ZNF774: variants seen among roughly 807,000 people sequenced by gnomAD.
ZNF774 encodes zinc finger protein 774.
ZNF774 carries 14 observed loss-of-function variants against 11.1 expected under a neutral mutation model. The ratio of observed to expected loss-of-function variants is 1.26; its 90% CI spans 0.83 to 1.97. ZNF774 has a LOEUF of 1.97. Ranked by LOEUF, ZNF774 falls within the 30% of genes most tolerant of loss-of-function variation. The pLI is 0.00. For synonymous variants in ZNF774, 195 were observed against 212.6 expected, an observed-to-expected ratio of 0.92 and a Z score of 0.72; for missense variants, 599 against 587.0, an observed-to-expected ratio of 1.02 and a Z score of -0.21.
intron 2 of ZNF774, chr15:90,355,445 C>T (rs1009237228): frequency 2.2e-6 from 1 of 455,962 alleles, no homozygotes; most frequent in Non-Finnish European, 4.4e-6. Context: ...TAAAAACAGG[C>T]TGGGGGCAGT....
chr15:90,355,029 G>T (rs1461433716), intron 2 of ZNF774, among the ~76,000 whole-genome samples: 2 of 152,254 alleles, frequency 1.3e-5, no homozygotes, highest in Middle Eastern at 3.4e-3. Context: ...ATGCTGTCCA[G>T]GCTGGTCTCA....
chr15:90,360,969 T>G lies in ZNF774; in HGVS notation c.1138T>G (p.Cys380Gly). The G allele has an allele frequency of 6.2e-7, 1 of 1,614,148 alleles. No individual in the cohort carries two copies. Among genetic ancestry groups the G allele is most frequent in the African/African-American group, 1.3e-5 (1 of 75,030 alleles). Residue 380 changes from cysteine to glycine, a missense_variant, in exon 4 of 4, where the codon TGT becomes GGT. Transcript: ENST00000354377. ...TGAGAGACCTTTTAAGTGCGAAAACTGTGGGAAAGGATTCGCCGACAGCTC... is the reference window on the plus strand; with the variant it reads ...TGAGAGACCTTTTAAGTGCGAAAACGGTGGGAAAGGATTCGCCGACAGCTC... The part of the protein sequence containing the change: ...TGERPFKCEN[C>G]GKGFADSSAL...
chr15:90,354,891 C>T, intron 2 of ZNF774, 127 bp downstream of exon 2: 1 of 776,346 alleles, frequency 1.3e-6, no homozygotes, highest in African/African-American at 1.7e-5. Context: ...GCCTCCTGGG[C>T]TCAAGCGATT....
intron 2 of ZNF774, among the ~76,000 whole-genome samples, chr15:90,355,870 A>G (rs1469438627): frequency 6.6e-6 from 1 of 151,390 alleles, no homozygotes; most frequent in African/African-American, 2.4e-5. Context: ...CTTACTAAAA[A>G]TACAAAAAAT....
At position 90,360,356 on chromosome 15, in the gene ZNF774, C is replaced by T. The variant is rs139630850; in HGVS notation, c.525C>T (p.Gly175=). Residue 175 remains glycine (G), a synonymous_variant, in exon 4 of 4, where the codon GGC becomes GGT. Coordinates refer to ENST00000354377, the MANE Select transcript of ZNF774 (RefSeq NM_001004309.3). The part of the protein sequence containing the change: ...YLIRHLRTHT[G]ERPYTCIECG... The stretch of plus-strand genomic sequence containing the variant: ...TAAGACACCTAAGAACCCACACTGG[C>T]GAGAGGCCCTATACGTGCATTGAGT... 3.6e-5 allele frequency: 58 copies of T among 1,614,024 alleles called. No individual in the cohort carries two copies. The Middle Eastern group carries it at 6.6e-4, about 18-fold the overall frequency.
chr15:90,360,927 C>T lies in ZNF774; in HGVS notation c.1096C>T (p.Gln366Ter), dbSNP rs751529820. Residue 366 changes from glutamine (Q) to a stop codon, truncating the protein, a stop_gained, in exon 4 of 4, where the codon CAA (glutamine) becomes TAA (stop). Coordinates refer to ENST00000354377, the MANE Select transcript of ZNF774 (RefSeq NM_001004309.3). LOFTEE classifies it low-confidence loss of function (END_TRUNC). ...FSQSSHLVTHQRTHTGERPFK... is the reference protein window; with the variant it reads ...FSQSSHLVTH ...TCAGAGCTCACATTTGGTCACGCACCAAAGAACACACACAGGTGAGAGACC... is the reference window on the plus strand; with the variant it reads ...TCAGAGCTCACATTTGGTCACGCACTAAAGAACACACACAGGTGAGAGACC... 1 of 1,614,172 alleles carries T rather than the reference C, an allele frequency of 6.2e-7. No individual in the cohort carries two copies. The highest frequency in any genetic ancestry group is 1.1e-5 in the South Asian group (1 of 91,072).
intron 3 of ZNF774, 135 bp from the exon 4 acceptor site, chr15:90,359,908 C>A: frequency 9.9e-7 from 1 of 1,006,890 alleles, no homozygotes; most frequent in Non-Finnish European, 1.4e-6. Context: ...AAACTTTTCA[C>A]AAAGTGAAAA....
rs760941027 is a variant in ZNF774, at chr15:90,360,626, C to A, written c.795C>A (p.Cys265Ter). The A allele has an allele frequency of 5.8e-5, 93 of 1,614,056 alleles. 1 individual carries two copies. The highest frequency in any genetic ancestry group is 2.9e-5 in the Non-Finnish European group (34 of 1,180,040). Reference sequence around the variant, plus strand: ...ACACAGGCGAGAAGCCCTACGCGTGCCTGGAATGTCACAAAAGCTTCAGTC... The same window carrying A: ...ACACAGGCGAGAAGCCCTACGCGTGACTGGAATGTCACAAAAGCTTCAGTC... Reference protein sequence around the residue: ...RTHTGEKPYACLECHKSFSRS... With the variant: ...RTHTGEKPYA Residue 265 changes from cysteine to a stop codon, truncating the protein, a stop_gained, in exon 4 of 4, where the codon TGC (cysteine) becomes TGA (stop). Coordinates refer to ENST00000354377, the MANE Select transcript of ZNF774 (RefSeq NM_001004309.3). LOFTEE classifies it low-confidence loss of function (END_TRUNC).
chr15:90,354,345 C>T (rs74038627), intron 1 of ZNF774, among the ~76,000 whole-genome samples: 1,669 of 152,298 alleles, frequency 0.011, 39 homozygotes, highest in African/African-American at 0.039. Flanking sequence ...CTTTGTTTAC[C>T]TTGTTCATCG....
rs751429115 is a variant in ZNF774 at position 90,360,292 on chromosome 15, C to T, written c.461C>T (p.Ala154Val). 22 of 1,614,196 alleles carry T rather than the reference C, an allele frequency of 1.4e-5. No individual in the cohort carries two copies. Among genetic ancestry groups the T allele is most frequent in the Admixed American group, 5.0e-5 (3 of 60,018 alleles). ...DGYVGEKPMC[A>V]ECGKSFNQSS... ...TATGTAGGAGAGAAGCCTATGTGTGCAGAATGCGGGAAAAGCTTTAACCAG... is the reference window on the plus strand; with the variant it reads ...TATGTAGGAGAGAAGCCTATGTGTGTAGAATGCGGGAAAAGCTTTAACCAG... Residue 154 changes from alanine (A) to valine (V), a missense_variant, in exon 4 of 4, where the codon GCA becomes GTA. By Grantham distance (64) the Ala-to-Val change is moderately conservative. Transcript: ENST00000354377.
At position 90,360,090 on chromosome 15, in the gene ZNF774, G is replaced by C; in HGVS notation, c.259G>C (p.Ala87Pro). 1 of 1,614,050 alleles carries C rather than the reference G, an allele frequency of 6.2e-7. No homozygotes were observed. The highest frequency in any genetic ancestry group is 8.5e-7 in the Non-Finnish European group (1 of 1,179,958). ...AKLNQDNSET[A>P]EQCGTSSERT... ...GCTCAATCAGGACAATTCTGAAACA[G>C]CAGAACAATGTGGAACATCCTCAGA... Residue 87 changes from alanine (A) to proline (P), a missense_variant, in exon 4 of 4, where the codon GCA becomes CCA. By Grantham distance (27) the Ala-to-Pro change is conservative. Transcript: ENST00000354377.
rs796491204 is a variant in ZNF774 at position 90,356,033 on chromosome 15, A to T, written c.104+1269A>T. On this transcript the variant is annotated intron_variant, in intron 2 of 3. Transcript: ENST00000354377. The stretch of plus-strand genomic sequence containing the variant: ...ACAGAGCAAGACTCCATCTCAAAAA[A>T]AAAAAAATAAATAAAAAAAACCAAA... 5.6e-4 allele frequency among the ~76,000 whole-genome samples: 64 copies of T among 114,692 alleles called. 2 individuals are homozygous for T. Among genetic ancestry groups the T allele is most frequent in the African/African-American group, 1.5e-3 (48 of 32,078 alleles). The allele number at this position is 114,692 out of a possible 152,430, so 75.2% of individuals were successfully genotyped here. A position where few individuals can be genotyped will look rare whatever the true frequency, so the allele number is the denominator to read the frequency against.
intron 1 of ZNF774, 71 bp from the exon 2 acceptor site, chr15:90,354,570 AT>A: frequency 3.8e-6 from 4 of 1,058,002 alleles, no homozygotes; most frequent in Non-Finnish European, 5.6e-6. Context: ...ACTGGTGGCC[AT>A]TTTTTGGCTT....
In ZNF774 at chr15:90,361,380, A is replaced by T. The variant is rs759783092; in HGVS notation, c.*97A>T. The T allele has an allele frequency of 4.0e-6, 6 of 1,501,476 alleles. No individual in the cohort carries two copies. The highest frequency in any genetic ancestry group is 2.3e-5 in the Admixed American group (1 of 44,178). The allele number at this position is 1,501,476 out of a possible 1,614,324, so 93.0% of individuals were successfully genotyped here. ...AGAAAACCTGGGCGTCAGTGGCTCAATTTGGGCCCTGATCTATTCTCCCTC... is the reference window on the plus strand; with the variant it reads ...AGAAAACCTGGGCGTCAGTGGCTCATTTTGGGCCCTGATCTATTCTCCCTC... On this transcript the variant is annotated 3_prime_UTR_variant, in exon 4 of 4. Transcript: ENST00000354377.
chr15:90,353,627 C>G (rs913003610), intron 1 of ZNF774, among the ~76,000 whole-genome samples: 5 of 150,592 alleles, frequency 3.3e-5, no homozygotes, highest in African/African-American at 1.2e-4. Context: ...GACAGGGGCT[C>G]ACTCTGTTGC....
chr15:90,358,935 G>A lies in ZNF774; in HGVS notation c.189G>A (p.Lys63=), dbSNP rs1178983985. ...CACTCCAAAACTTTGAGGCGAGGAAGATCCCGAGGGAAAGCCACACAGGTG... is the reference window on the plus strand; with the variant it reads ...CACTCCAAAACTTTGAGGCGAGGAAAATCCCGAGGGAAAGCCACACAGGTG... ...VLPLQNFEAR[K]IPRESHTDCE... The change falls in exon 3 of 4, where the codon AAG becomes AAA. Residue 63 remains lysine, a synonymous_variant. Transcript: ENST00000354377. 4 of 1,613,410 alleles carry A rather than the reference G, an allele frequency of 2.5e-6. No individual in the cohort carries two copies. The highest frequency in any genetic ancestry group is 3.4e-6 in the Non-Finnish European group (4 of 1,179,682).
chr15:90,357,966 A>G (rs1466534291), intron 2 of ZNF774, among the ~76,000 whole-genome samples: 2 of 148,078 alleles, frequency 1.4e-5, no homozygotes, highest in Non-Finnish European at 3.0e-5. Context: ...TGTGACCTCG[A>G]TTCACCATAA....
chr15:90,358,637 T>C (rs567616094), intron 2 of ZNF774, among the ~76,000 whole-genome samples: 1 of 152,290 alleles, frequency 6.6e-6, no homozygotes, highest in East Asian at 1.9e-4. Flanking sequence ...GTTTTTTTTC[T>C]TTATGGGAGG....
In ZNF774 at chr15:90,362,761, AC is replaced by A; in HGVS notation, c.*1479del. 1.8e-6 allele frequency: 1 copy of A among 550,352 alleles called. No individual in the cohort carries two copies. Among genetic ancestry groups the A allele is most frequent in the Non-Finnish European group, 3.3e-6 (1 of 307,658 alleles). 34.1% of individuals were successfully genotyped at this position (550,352 alleles called of 1,614,324 possible). A position where few individuals can be genotyped will look rare whatever the true frequency, so the allele number is the denominator to read the frequency against. On this transcript the variant is annotated 3_prime_UTR_variant, in exon 4 of 4. Coordinates refer to ENST00000354377, the MANE Select transcript of ZNF774 (RefSeq NM_001004309.3). ...AGGATCTAAAAATACACACACACAC[AC>A]ACACACACACACACACACACACACT...
Sources: gnomAD v4.1 joint callset for allele counts (sites outside exome capture counted in the v4.1 genomes callset) on GRCh38, gnomAD v4.1.1 for gene constraint, MANE v1.5 for transcripts, NCBI Gene and HGNC (gene_info 2026-07-23, HGNC 2026-07-21) for gene names.